PTCSC3: variants seen among roughly 807,000 people sequenced by gnomAD.
PTCSC3 encodes papillary thyroid carcinoma susceptibility candidate 3 (non-protein coding).
At chr14:36,149,961 GA>G (rs1486565742) in intron 3 of PTCSC3, among the ~76,000 whole-genome samples, 1 of 152,168 alleles carries the variant, frequency 6.6e-6, no homozygotes, top group Non-Finnish European at 1.5e-5. Context: ...TCCCTAATCT[GA>G]AAATCTCTCC....
chr14:36,138,123 G>A (rs2139085682), intron 3 of PTCSC3, among the ~76,000 whole-genome samples: 1 of 152,226 alleles, frequency 6.6e-6, no homozygotes, highest in Middle Eastern at 3.4e-3. Context: ...AATTCAAATG[G>A]AGAAAAGGAC....
intron 1 of PTCSC3, chr14:36,165,150 C>T (rs1882061060): frequency 6.6e-6 from 1 of 152,242 alleles, no homozygotes; most frequent in Non-Finnish European, 1.5e-5. Context: ...CATCTCAAGT[C>T]ATTTTTGCCC....
intron 2 of PTCSC3, chr14:36,153,976 G>A (rs1402043455): frequency 6.6e-6 from 1 of 151,916 alleles, no homozygotes; most frequent in African/African-American, 2.4e-5. Context: ...GAGGTGGTAT[G>A]GGTCACCTGA....
chr14:36,162,421 G>C (rs1881984200), intron 2 of PTCSC3, among the ~76,000 whole-genome samples: 1 of 152,082 alleles, frequency 6.6e-6, no homozygotes, highest in Admixed American at 6.5e-5. Flanking sequence ...CATAGTATCT[G>C]GGTCAAAGTG....
chr14:36,153,119 T>A (rs893053326), intron 3 of PTCSC3, among the ~76,000 whole-genome samples: 2 of 152,174 alleles, frequency 1.3e-5, no homozygotes, highest in Non-Finnish European at 2.9e-5. Context: ...TGGTCCTCTT[T>A]GATTTGCAGA....
chr14:36,169,016 G>A (rs934075), intron 1 of PTCSC3, among the ~76,000 whole-genome samples: 94,396 of 151,804 alleles, frequency 0.62, 29,961 homozygotes, highest in Non-Finnish European at 0.69. Flanking sequence ...GAGACTGTCT[G>A]GTTGACCCCT....
chr14:36,142,229 G>C (rs1881439974), intron 3 of PTCSC3, among the ~76,000 whole-genome samples: 1 of 152,156 alleles, frequency 6.6e-6, no homozygotes, highest in African/African-American at 2.4e-5. Flanking sequence ...TTCTGATCAT[G>C]AATAAATGTT....
At chr14:36,164,822 A>G (rs933001407) in intron 1 of PTCSC3, among the ~76,000 whole-genome samples, 2 of 152,204 alleles carry the variant, frequency 1.3e-5, no homozygotes, top group Non-Finnish European at 2.9e-5. Flanking sequence ...ATTAACAGAA[A>G]ATGATATCTT....
intron 1 of PTCSC3, among the ~76,000 whole-genome samples, chr14:36,174,857 A>C (rs1882254753): frequency 6.6e-6 from 1 of 152,140 alleles, no homozygotes. Context: ...GGATGTCAGG[A>C]GTTTTAACAA....
intron 3 of PTCSC3, among the ~76,000 whole-genome samples, chr14:36,153,572 C>T (rs1290428941): frequency 2.6e-5 from 4 of 152,126 alleles, no homozygotes; most frequent in African/African-American, 7.2e-5. Flanking sequence ...TATCTGTTAA[C>T]GCTAAAACAT....
chr14:36,156,101 G>GC (rs1334250042), intron 2 of PTCSC3, among the ~76,000 whole-genome samples: 1 of 152,122 alleles, frequency 6.6e-6, no homozygotes, highest in African/African-American at 2.4e-5. Flanking sequence ...GGTTTTTCTA[G>GC]CTTTTGTGAA....
At chr14:36,163,427 A>G (rs958310526) in intron 1 of PTCSC3, among the ~76,000 whole-genome samples, 2 of 152,194 alleles carry the variant, frequency 1.3e-5, no homozygotes, top group African/African-American at 4.8e-5. Flanking sequence ...CATGGAGGAA[A>G]AAAAAAGAAC....
chr14:36,154,045 T>A (rs1024631857), intron 2 of PTCSC3, among the ~76,000 whole-genome samples: 2 of 146,898 alleles, frequency 1.4e-5, no homozygotes, highest in African/African-American at 2.5e-5. Flanking sequence ...CCAGCCTGGG[T>A]GACACAGTGG....
At chr14:36,136,514 G>A (rs1418512356) in intron 3 of PTCSC3, among the ~76,000 whole-genome samples, 1 of 152,172 alleles carries the variant, frequency 6.6e-6, no homozygotes, top group Non-Finnish European at 1.5e-5. Context: ...GGAGGCATGG[G>A]TAAGAGAGAG....
intron 1 of PTCSC3, among the ~76,000 whole-genome samples, chr14:36,170,712 C>A (rs1259146535): frequency 6.6e-6 from 1 of 152,072 alleles, no homozygotes; most frequent in Admixed American, 6.6e-5. Flanking sequence ...ATTTTTTTAA[C>A]ACCAAGTTGC....
Position 36,172,430 on chromosome 14 carries a change from A to T in PTCSC3, n.171+3868T>A, listed in dbSNP as rs561118024. On this transcript the variant is annotated intron_variant and non_coding_transcript_variant, in intron 1 of 3. Transcript: ENST00000556013. The stretch of plus-strand genomic sequence containing the variant: ...TCTTTTCTTAAATTAACAGGAAAAT[A>T]AAAAATGGTATCATTTAATTTCTAG... Among the ~76,000 whole-genome samples, 5 of 152,272 alleles carry T rather than the reference A, an allele frequency of 3.3e-5. No individual in the cohort carries two copies. In the East Asian group the frequency reaches 9.6e-4, roughly 29 times the overall value.
At chr14:36,173,835 C>T (rs1227786400) in intron 1 of PTCSC3, among the ~76,000 whole-genome samples, 3 of 152,084 alleles carry the variant, frequency 2.0e-5, no homozygotes, top group African/African-American at 7.2e-5. Flanking sequence ...CTCTTGTTTA[C>T]GGAGGCTCTT....
intron 3 of PTCSC3, among the ~76,000 whole-genome samples, chr14:36,150,575 T>A: frequency 6.6e-6 from 1 of 152,244 alleles, no homozygotes; most frequent in Admixed American, 6.5e-5. Flanking sequence ...CCTGCCACAT[T>A]TTAAATTGTT....
intron 1 of PTCSC3, among the ~76,000 whole-genome samples, chr14:36,175,762 A>G: frequency 6.6e-6 from 1 of 152,216 alleles, no homozygotes; most frequent in South Asian, 2.1e-4. Flanking sequence ...GAGTAACTTC[A>G]TTGAACACTA....
Sources: gnomAD v4.1 joint callset for allele counts (sites outside exome capture counted in the v4.1 genomes callset) on GRCh38, gnomAD v4.1.1 for gene constraint, MANE v1.5 for transcripts, NCBI Gene and HGNC (gene_info 2026-07-23, HGNC 2026-07-21) for gene names.